FBXL17: variants seen among roughly 807,000 people sequenced by gnomAD.
The protein encoded by FBXL17 is F-box/LRR-repeat protein 17.
Under a neutral mutation model 66.2 loss-of-function variants are expected in FBXL17, and 22 were observed. That is an observed-to-expected ratio of 0.33 (90% confidence interval 0.24 to 0.47). The LOEUF (loss-of-function observed/expected upper bound fraction) is 0.47, where lower values mean the gene tolerates loss of function less well. FBXL17 is among the 20% of genes least tolerant of loss of function. FBXL17 has a pLI of 1.00. For missense variants in FBXL17, 878 were observed against 948.2 expected (o/e 0.93, Z 0.97); for synonymous variants, 474 against 400.5 (o/e 1.18, Z -2.19).
chr5:108,216,670 G>A (rs1296198815), intron 5 of FBXL17, among the ~76,000 whole-genome samples: 1 of 152,064 alleles, frequency 6.6e-6, no homozygotes, highest in Non-Finnish European at 1.5e-5. Context: ...TAGTTAGCTT[G>A]CCTTAGGTAG....
In FBXL17 at chr5:108,218,026, T is replaced by C. The variant is rs1754686419; in HGVS notation, c.1614+6095A>G. The stretch of plus-strand genomic sequence containing the variant: ...TTTCTAATTTTTTTTCTTTTTTTTT[T>C]TTTTTTTTTGAGACAGAGTCTCACT... On this transcript the variant is annotated intron_variant, in intron 5 of 8. Transcript: ENST00000542267. Among the ~76,000 whole-genome samples the C allele has an allele frequency of 3.4e-5, 5 of 147,840 alleles. No homozygotes were observed. The South Asian group carries it at 1.1e-3, about 32-fold the overall frequency.
chr5:107,874,644 T>G (rs991990148), intron 8 of FBXL17, among the ~76,000 whole-genome samples: 1 of 152,206 alleles, frequency 6.6e-6, no homozygotes, highest in Non-Finnish European at 1.5e-5. Flanking sequence ...CAGTGTTTCT[T>G]GGTTTCATAT....
chr5:108,370,765 G>C (rs7716961), intron 1 of FBXL17, among the ~76,000 whole-genome samples: 5 of 150,758 alleles, frequency 3.3e-5, no homozygotes, highest in African/African-American at 1.2e-4. Context: ...AAAAAATCAT[G>C]AAAGTCACTA....
At chr5:108,297,602 TC>T (rs1484416930) in intron 4 of FBXL17, 5 of 156,620 alleles carry the variant, frequency 3.2e-5, no homozygotes, top group African/African-American at 1.2e-4. Flanking sequence ...TTGGATACCT[TC>T]AACGAGAATT....
intron 6 of FBXL17, among the ~76,000 whole-genome samples, chr5:108,030,253 G>T (rs1754984814): frequency 6.6e-6 from 1 of 152,100 alleles, no homozygotes; most frequent in East Asian, 1.9e-4. Context: ...CCTCTGAAGA[G>T]AAACACATCT....
At chr5:108,064,595 A>C (rs1312208076) in intron 6 of FBXL17, among the ~76,000 whole-genome samples, 4 of 152,210 alleles carry the variant, frequency 2.6e-5, no homozygotes, top group African/African-American at 9.6e-5. Context: ...AGAGAAATTG[A>C]GAAGCCTCTC....
intron 7 of FBXL17, among the ~76,000 whole-genome samples, chr5:107,959,349 A>G (rs1449665512): frequency 6.6e-6 from 1 of 150,442 alleles, no homozygotes; most frequent in African/African-American, 2.5e-5. Context: ...GTTTTGAGTC[A>G]TGGTCATTAT....
At chr5:108,036,064 G>A (rs1027970349) in intron 6 of FBXL17, among the ~76,000 whole-genome samples, 11 of 152,192 alleles carry the variant, frequency 7.2e-5, no homozygotes, top group Non-Finnish European at 1.3e-4. Flanking sequence ...GAGAAAGAAT[G>A]AGTTTGTAGA....
intron 8 of FBXL17, among the ~76,000 whole-genome samples, chr5:107,863,883 G>A (rs1002196985): frequency 6.6e-6 from 1 of 152,168 alleles, no homozygotes; most frequent in African/African-American, 2.4e-5. Flanking sequence ...CCCCTTCCCA[G>A]TGCACCATGG....
intron 6 of FBXL17, among the ~76,000 whole-genome samples, chr5:108,172,077 G>A (rs565236819): frequency 4.6e-5 from 7 of 152,190 alleles, no homozygotes; most frequent in East Asian, 1.9e-4. Flanking sequence ...ACCCAGTCTC[G>A]GGTATGTCCC....
At chr5:108,227,816 A>T (rs1309710714) in intron 4 of FBXL17, among the ~76,000 whole-genome samples, 1 of 152,216 alleles carries the variant, frequency 6.6e-6, no homozygotes, top group Admixed American at 6.6e-5. Context: ...AGCATTCTAA[A>T]GGCATTATGT....
chr5:107,983,084 C>G (rs1428859380), intron 7 of FBXL17, among the ~76,000 whole-genome samples: 2 of 152,078 alleles, frequency 1.3e-5, no homozygotes, highest in Admixed American at 6.6e-5. Context: ...TCATACAAGT[C>G]CTATTCTCTT....
intron 4 of FBXL17, among the ~76,000 whole-genome samples, chr5:108,242,722 G>C (rs1247929144): frequency 6.6e-6 from 1 of 151,822 alleles, no homozygotes; most frequent in South Asian, 2.1e-4. Flanking sequence ...TTTGTTTCAT[G>C]GTCAGCTTCA....
intron 7 of FBXL17, among the ~76,000 whole-genome samples, chr5:107,980,664 A>ATATATATATATATATATT: frequency 1.6e-5 from 1 of 62,100 alleles, no homozygotes; most frequent in African/African-American, 1.0e-4. Flanking sequence ...ATATATATAT[A>ATATATATATATATATATT]TTTTTTTTTT....
At chr5:108,204,268 T>G (rs944030433) in intron 5 of FBXL17, among the ~76,000 whole-genome samples, 1 of 152,092 alleles carries the variant, frequency 6.6e-6, no homozygotes, top group Admixed American at 6.6e-5. Context: ...TGGCTCACAG[T>G]AGCCTCAAAT....
At chr5:107,913,901 G>T (rs1423761380) in intron 7 of FBXL17, among the ~76,000 whole-genome samples, 1 of 151,916 alleles carries the variant, frequency 6.6e-6, no homozygotes, top group South Asian at 2.1e-4. Context: ...GATTGAAATG[G>T]GCATATTTGG....
At chr5:108,154,522 G>A (rs1412224225) in intron 6 of FBXL17, among the ~76,000 whole-genome samples, 3 of 147,956 alleles carry the variant, frequency 2.0e-5, no homozygotes, top group Non-Finnish European at 4.5e-5. Context: ...CCTGGGAGGC[G>A]GAGGTTGCGG....
At chr5:107,916,911 A>T (rs1054787606) in intron 7 of FBXL17, among the ~76,000 whole-genome samples, 1 of 152,224 alleles carries the variant, frequency 6.6e-6, no homozygotes, top group Admixed American at 6.5e-5. Context: ...TCTTAGTAAC[A>T]TGCTAAAAAT....
chr5:108,174,510 G>C lies in FBXL17; in HGVS notation c.1745+11607C>G, dbSNP rs148017224. Among the ~76,000 whole-genome samples the C allele has an allele frequency of 3.2e-3, 487 of 152,180 alleles. 2 individuals are homozygous for C. The highest frequency in any genetic ancestry group is 0.01 in the South Asian group (50 of 4,822). On this transcript the variant is annotated intron_variant, in intron 6 of 8. Coordinates refer to ENST00000542267, the MANE Select transcript of FBXL17 (RefSeq NM_001163315.3). ...CTTGGTGGTTTTGAAACTCCTGCCAGTGCTTTCACAACTTGATGTTCTGAT... is the reference window on the plus strand; with the variant it reads ...CTTGGTGGTTTTGAAACTCCTGCCACTGCTTTCACAACTTGATGTTCTGAT...
Sources: allele counts gnomAD v4.1 joint callset (sites outside exome capture counted in the v4.1 genomes callset), GRCh38; gene constraint gnomAD v4.1.1; transcripts MANE v1.5; gene names NCBI Gene and HGNC (gene_info 2026-07-23, HGNC 2026-07-21).